ATG5: variants seen among roughly 807,000 people sequenced by gnomAD.
ATG5 encodes autophagy related 5, also known as autophagy protein 5.
Under a neutral mutation model 36.5 loss-of-function variants are expected in ATG5, and 14 were observed. The ratio of observed to expected loss-of-function variants is 0.38; its 90% CI spans 0.25 to 0.60. ATG5 has a LOEUF of 0.60. Among genes scored for constraint, ATG5 ranks in the 20% least tolerant of loss-of-function variants. The pLI, the probability that ATG5 is intolerant of heterozygous loss-of-function variation, is 0.60. For missense variants in ATG5, 195 were observed against 326.7 expected, an observed-to-expected ratio of 0.60 and a Z score of 3.11; for synonymous variants, 95 against 101.5, an observed-to-expected ratio of 0.94 and a Z score of 0.38.
intron 7 of ATG5, among the ~76,000 whole-genome samples, chr6:106,200,353 C>T (rs1484331159): frequency 1.3e-5 from 2 of 152,052 alleles, no homozygotes; most frequent in African/African-American, 2.4e-5. Flanking sequence ...AGAATACATT[C>T]GTAAGAAACA....
At chr6:106,199,114 G>A (rs562044271) in intron 7 of ATG5, among the ~76,000 whole-genome samples, 2 of 152,308 alleles carry the variant, frequency 1.3e-5, no homozygotes, top group East Asian at 1.9e-4. Flanking sequence ...CTTATACACC[G>A]CTGGTGAGAC....
chr6:106,208,551 T>C (rs1000709910), intron 6 of ATG5, among the ~76,000 whole-genome samples: 3 of 151,496 alleles, frequency 2.0e-5, no homozygotes, highest in African/African-American at 7.3e-5. Flanking sequence ...TTTTTCTATA[T>C]GGCAAGGAAA....
At chr6:106,299,269 T>C (rs1412638931) in intron 3 of ATG5, among the ~76,000 whole-genome samples, 3 of 152,234 alleles carry the variant, frequency 2.0e-5, no homozygotes, top group African/African-American at 7.2e-5. Context: ...CTAGATTACT[T>C]ATAATACCTA....
chr6:106,216,370 T>C (rs149931593), intron 6 of ATG5, among the ~76,000 whole-genome samples: 46 of 152,310 alleles, frequency 3.0e-4, no homozygotes, highest in African/African-American at 7.2e-4. Flanking sequence ...AATTGGTGAA[T>C]TGATAAACAA....
chr6:106,315,999 C>A, intron 2 of ATG5, 102 bp downstream of exon 2: 1 of 855,394 alleles, frequency 1.2e-6, no homozygotes, highest in East Asian at 2.6e-5. Context: ...CATGAATTAG[C>A]TGTATCTAAA....
chr6:106,318,773 C>G (rs1770956975), intron 1 of ATG5, among the ~76,000 whole-genome samples: 1 of 151,982 alleles, frequency 6.6e-6, no homozygotes, highest in African/African-American at 2.4e-5. Flanking sequence ...ATACACAGAC[C>G]CAAATTTATA....
intron 7 of ATG5, 56 bp downstream of exon 7, chr6:106,201,916 T>C: frequency 7.4e-7 from 1 of 1,342,374 alleles, no homozygotes; most frequent in Non-Finnish European, 1.0e-6. Context: ...GGAATGCTTA[T>C]TTTACTTCAG....
chr6:106,277,313 G>A (rs1052274522), intron 5 of ATG5, among the ~76,000 whole-genome samples: 8 of 152,096 alleles, frequency 5.3e-5, no homozygotes, highest in Non-Finnish European at 1.0e-4. Flanking sequence ...ACATCTACTG[G>A]ACTAACTCCC....
At chr6:106,273,574 G>GGGGAA (rs1203945034) in intron 5 of ATG5, among the ~76,000 whole-genome samples, 12 of 152,006 alleles carry the variant, frequency 7.9e-5, no homozygotes, top group Non-Finnish European at 1.3e-4. Flanking sequence ...ACATCACCTA[G>GGGGAA]GGGAAGGGAA....
chr6:106,241,230 G>C (rs1778112934), intron 6 of ATG5, among the ~76,000 whole-genome samples: 2 of 152,176 alleles, frequency 1.3e-5, no homozygotes, highest in Admixed American at 6.5e-5. Context: ...CAAAGGACTT[G>C]AATAGACATT....
chr6:106,233,889 T>C (rs1050866252), intron 6 of ATG5, among the ~76,000 whole-genome samples: 19 of 152,104 alleles, frequency 1.2e-4, no homozygotes, highest in African/African-American at 4.1e-4. Flanking sequence ...CTATGAAGAA[T>C]GCGGCTTCCC....
intron 6 of ATG5, among the ~76,000 whole-genome samples, chr6:106,246,392 T>TCTCTCACA (rs1387498156): frequency 3.5e-4 from 45 of 129,638 alleles, no homozygotes; most frequent in South Asian, 1.0e-3. Context: ...TCTCTCTCTC[T>TCTCTCACA]CACACACACA....
chr6:106,221,737 G>C (rs1777262223), intron 6 of ATG5, among the ~76,000 whole-genome samples: 1 of 150,538 alleles, frequency 6.6e-6, no homozygotes, highest in Admixed American at 6.6e-5. Flanking sequence ...CTGATCACTT[G>C]AGGTCCAACT....
intron 6 of ATG5, among the ~76,000 whole-genome samples, chr6:106,231,331 G>A (rs1000092719): frequency 5.3e-5 from 8 of 152,168 alleles, no homozygotes; most frequent in Non-Finnish European, 7.3e-5. Flanking sequence ...AAGTGTCGCC[G>A]TAACTGCAGC....
intron 5 of ATG5, among the ~76,000 whole-genome samples, chr6:106,277,808 C>T (rs531874803): frequency 6.6e-6 from 1 of 152,096 alleles, no homozygotes; most frequent in Non-Finnish European, 1.5e-5. Flanking sequence ...AGTGAAACTT[C>T]GTCTCAACAA....
chr6:106,222,015 C>A (rs1777274071), intron 6 of ATG5, among the ~76,000 whole-genome samples: 2 of 152,062 alleles, frequency 1.3e-5, no homozygotes, highest in African/African-American at 4.8e-5. Context: ...CCTCAGCCTC[C>A]TGAGTAGCTG....
At chr6:106,212,707 A>G (rs1196533630) in intron 6 of ATG5, among the ~76,000 whole-genome samples, 1 of 152,222 alleles carries the variant, frequency 6.6e-6, no homozygotes, top group African/African-American at 2.4e-5. Context: ...TCAAATCAGT[A>G]TATTTTCACT....
At chr6:106,227,362 A>G (rs933343265) in intron 6 of ATG5, among the ~76,000 whole-genome samples, 2 of 152,198 alleles carry the variant, frequency 1.3e-5, no homozygotes, top group African/African-American at 4.8e-5. Context: ...TTGGGTGGCC[A>G]AGGTGGGAGG....
At chr6:106,232,452 C>T (rs1777730401) in intron 6 of ATG5, among the ~76,000 whole-genome samples, 1 of 151,994 alleles carries the variant, frequency 6.6e-6, no homozygotes, top group African/African-American at 2.4e-5. Context: ...AGGAGAACAC[C>T]CGTTTGTTGT....
Sources: allele counts gnomAD v4.1 joint callset (sites outside exome capture counted in the v4.1 genomes callset), GRCh38; gene constraint gnomAD v4.1.1; transcripts MANE v1.5; gene names NCBI Gene and HGNC (gene_info 2026-07-23, HGNC 2026-07-21).